AGMO: variants seen among roughly 807,000 people sequenced by gnomAD.
The protein encoded by AGMO is glyceryl-ether monooxygenase.
In AGMO, 75 loss-of-function variants were observed where a neutral mutation model predicts 60.2. That is an observed-to-expected ratio of 1.25 (90% CI 1.03 to 1.51). The LOEUF (loss-of-function observed/expected upper bound fraction) is 1.51. Ranked by LOEUF, AGMO falls within the 40% of genes most tolerant of loss-of-function variation. The pLI is 0.00. For missense variants in AGMO, 763 were observed against 525.5 expected (o/e 1.45, Z -4.42); for synonymous variants, 261 against 177.1 (o/e 1.47, Z -3.76).
the AGMO span, among the ~76,000 whole-genome samples, chr7:15,187,474 C>T: frequency 1.3e-5 from 2 of 152,308 alleles, no homozygotes; most frequent in East Asian, 3.9e-4. Flanking sequence ...GTATTTCACA[C>T]GTCCTTTCAT....
intron 12 of AGMO, among the ~76,000 whole-genome samples, chr7:15,357,291 A>AGG (rs1412361408): frequency 6.6e-6 from 1 of 151,452 alleles, no homozygotes; most frequent in Non-Finnish European, 1.5e-5. Context: ...AACATTGTTG[A>AGG]GGACAGTCTA....
At chr7:15,439,135 A>G (rs1781481411) in intron 3 of AGMO, among the ~76,000 whole-genome samples, 2 of 152,198 alleles carry the variant, frequency 1.3e-5, no homozygotes, top group Non-Finnish European at 2.9e-5. Context: ...ACAGTGGCTC[A>G]CACCTGTCAT....
the AGMO span, among the ~76,000 whole-genome samples, chr7:15,127,972 C>T: frequency 1.3e-5 from 2 of 152,074 alleles, no homozygotes; most frequent in Admixed American, 6.6e-5. Context: ...TCCTTCAATT[C>T]CTGCCATCCA....
chr7:15,403,288 T>C (rs1583514720), intron 5 of AGMO, among the ~76,000 whole-genome samples: 1 of 151,900 alleles, frequency 6.6e-6, no homozygotes, highest in African/African-American at 2.4e-5. Flanking sequence ...AATACTCTCA[T>C]TGGTTATTAC....
At chr7:15,488,346 C>T (rs929590561) in intron 3 of AGMO, among the ~76,000 whole-genome samples, 3 of 152,170 alleles carry the variant, frequency 2.0e-5, no homozygotes, top group Non-Finnish European at 4.4e-5. Flanking sequence ...AAGCCAGAAA[C>T]TTTAATGCAA....
chr7:15,514,152 T>C (rs1397450900), intron 3 of AGMO, among the ~76,000 whole-genome samples: 1 of 152,180 alleles, frequency 6.6e-6, no homozygotes, highest in East Asian at 1.9e-4. Flanking sequence ...GGAGGTCTGA[T>C]ACCTCAATTT....
At chr7:15,299,283 A>G (rs10252698) in intron 12 of AGMO, among the ~76,000 whole-genome samples, 119,409 of 152,026 alleles carry the variant, frequency 0.79, 47,207 homozygotes, top group African/African-American at 0.88. Flanking sequence ...AAAGTAAAGT[A>G]CATTGCCCAA....
At chr7:15,206,506 C>T (rs1781443579) in intron 12 of AGMO, among the ~76,000 whole-genome samples, 1 of 152,084 alleles carries the variant, frequency 6.6e-6, no homozygotes, top group East Asian at 1.9e-4. Context: ...TAATATGAGG[C>T]CTTTTAAGGT....
intron 12 of AGMO, among the ~76,000 whole-genome samples, chr7:15,291,282 G>C (rs1241371937): frequency 6.6e-6 from 1 of 151,802 alleles, no homozygotes; most frequent in East Asian, 1.9e-4. Flanking sequence ...GAGATATATC[G>C]ACAAAATTAA....
chr7:15,327,267 G>A (rs1343031237), intron 12 of AGMO, among the ~76,000 whole-genome samples: 2 of 152,104 alleles, frequency 1.3e-5, no homozygotes, highest in Admixed American at 6.6e-5. Context: ...TTAGTGGAAA[G>A]ACAGCTAAAA....
At chr7:15,374,234 T>A (rs1310930102) in intron 10 of AGMO, among the ~76,000 whole-genome samples, 2 of 151,750 alleles carry the variant, frequency 1.3e-5, no homozygotes, top group African/African-American at 4.9e-5. Context: ...ATCTTATTCT[T>A]TTCCCTACTT....
rs1003881172 is a variant in AGMO, at chr7:15,544,863, C to T, written c.318G>A (p.Leu106=). 5.0e-6 allele frequency: 8 copies of T among 1,606,160 alleles called. No individual in the cohort carries two copies. Among genetic ancestry groups the T allele is most frequent in the Admixed American group, 3.4e-5 (2 of 59,098 alleles). Residue 106 remains leucine (L), a synonymous_variant, in exon 3 of 13, where the codon CTG becomes CTA. Coordinates refer to ENST00000342526, the MANE Select transcript of AGMO (RefSeq NM_001004320.2). Reference sequence around the variant, plus strand: ...ATGGAGAATCCCAAGGCAAATTGAACAGCCTGTAGTTCTCCCAGATATAAA... The same window carrying T: ...ATGGAGAATCCCAAGGCAAATTGAATAGCCTGTAGTTCTCCCAGATATAAA... The part of the protein sequence containing the change: ...SYIYIWENYR[L]FNLPWDSPWT...
chr7:15,234,836 A>G (rs1036596195), intron 12 of AGMO, among the ~76,000 whole-genome samples: 39 of 152,196 alleles, frequency 2.6e-4, no homozygotes, highest in African/African-American at 8.4e-4. Context: ...TTATTCTACA[A>G]TTTTAACATG....
Position 15,248,223 on chromosome 7 carries a change from T to TATATATATATA in AGMO, c.1264-46865_1264-46864insTATATATATAT, listed in dbSNP as rs71004372. ...ATATATATATATATATATATATATA[T>TATATATATATA]ATCTTCATCTTCAATTCTAGTCTAA... On this transcript the variant is annotated intron_variant, in intron 12 of 12. Coordinates refer to ENST00000342526, the MANE Select transcript of AGMO (RefSeq NM_001004320.2). 1.2e-3 allele frequency among the ~76,000 whole-genome samples: 130 copies of TATATATATATA among 111,974 alleles called. 7 individuals carry two copies. The highest frequency in any genetic ancestry group is 2.2e-3 in the Non-Finnish European group (114 of 52,896). The allele number at this position is 111,974 out of a possible 152,430, so 73.5% of individuals were successfully genotyped here.
chr7:15,301,597 G>A (rs968550443), intron 12 of AGMO, among the ~76,000 whole-genome samples: 2 of 151,984 alleles, frequency 1.3e-5, no homozygotes, highest in South Asian at 4.1e-4. Context: ...CTATACAGAT[G>A]AATATGTAAG....
At chr7:15,149,294 T>G in the AGMO span, among the ~76,000 whole-genome samples, 2 of 152,210 alleles carry the variant, frequency 1.3e-5, no homozygotes, top group Non-Finnish European at 2.9e-5. Context: ...ATCACTTCTT[T>G]TAGCATGCAG....
intron 12 of AGMO, among the ~76,000 whole-genome samples, chr7:15,260,864 C>A (rs1208080730): frequency 6.6e-6 from 1 of 151,900 alleles, no homozygotes; most frequent in African/African-American, 2.4e-5. Context: ...CAAAAGGAAC[C>A]CTCAAAACCA....
In AGMO at chr7:15,431,112, C is replaced by A. The variant is rs1455543483; in HGVS notation, c.410-4G>T. 2 of 1,601,038 alleles carry A rather than the reference C, an allele frequency of 1.2e-6. No individual in the cohort carries two copies. Among genetic ancestry groups the A allele is most frequent in the South Asian group, 1.1e-5 (1 of 90,518 alleles). ...CCGGCCCACATAATATTAACTTCTG[C>A]AAAACACATAATTTGCAATGAGCCA... On this transcript the variant is annotated splice_polypyrimidine_tract_variant and splice_region_variant and intron_variant, in intron 3 of 12. Transcript: ENST00000342526.
the AGMO span, among the ~76,000 whole-genome samples, chr7:15,168,807 T>G: frequency 6.6e-6 from 1 of 152,150 alleles, no homozygotes; most frequent in Admixed American, 6.5e-5. Context: ...TGAAGATGCT[T>G]TCAGTGAAAC....
Sources: gnomAD v4.1 joint callset for allele counts (sites outside exome capture counted in the v4.1 genomes callset) on GRCh38, gnomAD v4.1.1 for gene constraint, MANE v1.5 for transcripts, NCBI Gene and HGNC (gene_info 2026-07-23, HGNC 2026-07-21) for gene names.